Variants in MAN2B1 observed in about 807,000 individuals in gnomAD.
The protein encoded by MAN2B1 is lysosomal alpha-mannosidase.
Under a neutral mutation model 127.5 loss-of-function variants are expected in MAN2B1, and 99 were observed. The observed-to-expected ratio is 0.78, with a 90% CI of 0.66 to 0.92. The LOEUF (loss-of-function observed/expected upper bound fraction) is 0.92. Ranked by LOEUF, MAN2B1 falls within the 40% of genes least tolerant of loss-of-function variation. The pLI is 0.00. For synonymous variants in MAN2B1, 573 were observed against 568.8 expected (o/e 1.01, Z -0.11); for missense variants, 1,304 against 1,384.8 (o/e 0.94, Z 0.93).
chr19:12,647,603 G>T lies in MAN2B1; in HGVS notation c.2665-5C>A. On this transcript the variant is annotated splice_polypyrimidine_tract_variant and splice_region_variant and intron_variant, in intron 21 of 23. Transcript: ENST00000456935. The surrounding 1 kb of genome is among the most constrained non-coding windows in gnomAD (Gnocchi z 4.9). The stretch of plus-strand genomic sequence containing the variant: ...GTCCCTGCGCAGCCCTGAGAACTGC[G>T]GGAGAGAGGGCGGGGCTGAGTTGGA... 1 of 1,610,910 alleles carries T rather than the reference G, an allele frequency of 6.2e-7. No individual in the cohort carries two copies. The highest frequency in any genetic ancestry group is 8.5e-7 in the Non-Finnish European group (1 of 1,177,980).
At chr19:12,650,919 G>A (rs549656176) in intron 16 of MAN2B1, among the ~76,000 whole-genome samples, 1 of 150,636 alleles carries the variant, frequency 6.6e-6, no homozygotes, top group East Asian at 2.0e-4. Context: ...TGATCTGCCT[G>A]CCTCTGCCTC....
rs116608519 is a variant in MAN2B1 at position 12,653,835 on chromosome 19, C to T, written c.1831-1375G>A. 9.9e-3 allele frequency among the ~76,000 whole-genome samples: 1,498 copies of T among 152,020 alleles called. 28 individuals carry two copies. The highest frequency in any genetic ancestry group is 0.032 in the African/African-American group (1,329 of 41,468). On this transcript the variant is annotated intron_variant, in intron 14 of 23. Coordinates refer to ENST00000456935, the MANE Select transcript of MAN2B1 (RefSeq NM_000528.4). Reference sequence around the variant, plus strand: ...CTGGGTTCAAGTGATTCTCCTGCCTCTCCCTCCCGAGTAGCTAGGACTACA... The same window carrying T: ...CTGGGTTCAAGTGATTCTCCTGCCTTTCCCTCCCGAGTAGCTAGGACTACA...
At chr19:12,649,512 C>T (rs767924080) in intron 18 of MAN2B1, 84 bp from the exon 19 acceptor site, 290 of 505,486 alleles carry the variant, frequency 5.7e-4, no homozygotes, top group Non-Finnish European at 6.6e-4. Flanking sequence ...GATGGAGTCT[C>T]GCTCTGTCAC....
At chr19:12,657,400 C>G in intron 11 of MAN2B1, 46 bp downstream of exon 11, 1 of 1,497,678 alleles carries the variant, frequency 6.7e-7, no homozygotes, top group Non-Finnish European at 9.1e-7. Context: ...TGGCCCCGCC[C>G]CTTCCTGTCT....
At chr19:12,646,849 G>C in intron 23 of MAN2B1, 117 bp from the exon 24 acceptor site, 1 of 748,352 alleles carries the variant, frequency 1.3e-6, no homozygotes, top group Non-Finnish European at 2.3e-6. Context: ...CTGTCTCCAG[G>C]GCCTCAATCC....
rs957928289 is a variant in MAN2B1 at position 12,647,692 on chromosome 19, T to C, written c.2665-94A>G. 1.1e-5 allele frequency: 12 copies of C among 1,057,302 alleles called. No homozygotes were observed. The highest frequency in any genetic ancestry group is 1.6e-5 in the Non-Finnish European group (12 of 734,528). 65.5% of individuals were successfully genotyped at this position (1,057,302 alleles called of 1,614,324 possible). ...CAGGTCAGGAGGCAGGGCTAGGTTG[T>C]AGGGGCGGGGTTTCGCCGGAGAGGG... On this transcript the variant is annotated intron_variant, in intron 21 of 23. Coordinates refer to ENST00000456935, the MANE Select transcript of MAN2B1 (RefSeq NM_000528.4). The surrounding 1 kb of genome is among the most constrained non-coding windows in gnomAD (Gnocchi z 4.9).
chr19:12,649,051 G>T, intron 20 of MAN2B1, 85 bp downstream of exon 20: 1 of 1,149,380 alleles, frequency 8.7e-7, no homozygotes. Flanking sequence ...TGAAAGCAGA[G>T]AACTGGGCCA....
intron 6 of MAN2B1, 68 bp downstream of exon 6, chr19:12,663,249 C>G (rs2024149621): frequency 1.3e-6 from 2 of 1,569,494 alleles, no homozygotes; most frequent in Admixed American, 3.3e-5. Context: ...TTAGGGGATG[C>G]CTGTACCATG....
chr19:12,647,036 C>T lies in MAN2B1; in HGVS notation c.2923+197G>A. 1.6e-6 allele frequency: 1 copy of T among 618,646 alleles called. No individual in the cohort carries two copies. Among genetic ancestry groups the T allele is most frequent in the East Asian group, 2.7e-5 (1 of 36,604 alleles). 38.3% of individuals were successfully genotyped at this position (618,646 alleles called of 1,614,324 possible). ...TCTTGTTCTTGGGACTAAACAGCAC[C>T]CACAAACCTCAAGACCCATTCCTGG... On this transcript the variant is annotated intron_variant, in intron 23 of 23. Coordinates refer to ENST00000456935, the MANE Select transcript of MAN2B1 (RefSeq NM_000528.4). This position sits in a 1 kb window ranked among gnomAD's most constrained non-coding sequence, Gnocchi z 4.9.
rs376163192 is a variant in MAN2B1 at position 12,655,691 on chromosome 19, C to T, written c.1830+3G>A. The T allele has an allele frequency of 1.9e-6, 3 of 1,608,736 alleles. No homozygotes were observed. The highest frequency in any genetic ancestry group is 1.7e-5 in the Admixed American group (1 of 59,510). On this transcript the variant is annotated splice_donor_region_variant and intron_variant, in intron 14 of 23. Transcript: ENST00000456935. Reference sequence around the variant, plus strand: ...AGGAAAGGGGATTGAAATGGGGTCTCACCTCATTTTCGATGGTTAAAGCAG... The same window carrying T: ...AGGAAAGGGGATTGAAATGGGGTCTTACCTCATTTTCGATGGTTAAAGCAG...
In MAN2B1 at chr19:12,655,859, TG is replaced by T; in HGVS notation, c.1664del (p.Ser555Ter). ...GCTCCGGAGGGTGCGCCTGGCTGTC[TG>T]AGCTGGGAAATATTACCACCTCGGA... ...VPSDVVIFPS[S>X]DSQAHPPELL... On this transcript the variant is annotated frameshift_variant, in exon 14 of 24. Transcript: ENST00000456935. LOFTEE classifies it high-confidence loss of function. 2 of 1,613,906 alleles carry T rather than the reference TG, an allele frequency of 1.2e-6. No homozygotes were observed. The highest frequency in any genetic ancestry group is 1.7e-6 in the Non-Finnish European group (2 of 1,180,004).
At chr19:12,661,480 T>A (rs987010052) in intron 6 of MAN2B1, 104 bp from the exon 7 acceptor site, 10 of 808,788 alleles carry the variant, frequency 1.2e-5, no homozygotes, top group Non-Finnish European at 2.2e-5. Context: ...TGCACAGGCA[T>A]GGGTGGGGGT....
rs748175413 is a variant in MAN2B1 at position 12,652,147 on chromosome 19, C to T, written c.2046+6G>A. 1 of 1,611,310 alleles carries T rather than the reference C, an allele frequency of 6.2e-7. No individual in the cohort carries two copies. Among genetic ancestry groups the T allele is most frequent in the Non-Finnish European group, 8.5e-7 (1 of 1,177,454 alleles). On this transcript the variant is annotated splice_donor_region_variant and intron_variant, in intron 16 of 23. Transcript: ENST00000456935. The stretch of plus-strand genomic sequence containing the variant: ...AACTGCCCACTCATCATTCCTAGTC[C>T]CTGACCTTCACCAGGTGGATCTGAG...
Position 12,665,268 on chromosome 19 carries a change from G to A in MAN2B1, c.436+84C>T, listed in dbSNP as rs554314250. On this transcript the variant is annotated intron_variant, in intron 3 of 23. Coordinates refer to ENST00000456935, the MANE Select transcript of MAN2B1 (RefSeq NM_000528.4). ...CACGCATGTTATACAGCTTGCACGT[G>A]GCATGACAAATCTCAGAAACCAGAG... 69 of 1,521,562 alleles carry A rather than the reference G, an allele frequency of 4.5e-5. No individual in the cohort carries two copies. In the African/African-American group the frequency reaches 6.5e-4, roughly 14 times the overall value. 94.3% of individuals were successfully genotyped at this position (1,521,562 alleles called of 1,614,324 possible).
At chr19:12,659,405 G>A (rs997740882) in intron 7 of MAN2B1, among the ~76,000 whole-genome samples, 7 of 150,244 alleles carry the variant, frequency 4.7e-5, no homozygotes, top group Non-Finnish European at 7.4e-5. Flanking sequence ...AGGTTCCAGC[G>A]ATTCTCCTGC....
chr19:12,658,146 A>G lies in MAN2B1; in HGVS notation c.1231-5T>C, dbSNP rs1419185296. On this transcript the variant is annotated splice_region_variant and splice_polypyrimidine_tract_variant and intron_variant, in intron 9 of 23. Coordinates refer to ENST00000456935, the MANE Select transcript of MAN2B1 (RefSeq NM_000528.4). ...CGCCTCCAGCTGGTTGCACACCTGG[A>G]GGCAGAGGGGTATGTTGGGGCGCCC... 1 of 1,613,414 alleles carries G rather than the reference A, an allele frequency of 6.2e-7. No homozygotes were observed. The highest frequency in any genetic ancestry group is 1.1e-5 in the South Asian group (1 of 91,080).
In MAN2B1 at chr19:12,657,979, A is replaced by G. The variant is rs377440421; in HGVS notation, c.1309+84T>C. On this transcript the variant is annotated intron_variant, in intron 10 of 23. Coordinates refer to ENST00000456935, the MANE Select transcript of MAN2B1 (RefSeq NM_000528.4). ...CAAAAAAAAAAAAAAAAAAAAAAAAAAAGAAGAAACTCGAGGGGGGCGGCC... is the reference window on the plus strand; with the variant it reads ...CAAAAAAAAAAAAAAAAAAAAAAAAGAAGAAGAAACTCGAGGGGGGCGGCC... 7.0e-4 allele frequency: 655 copies of G among 938,646 alleles called. 4 individuals carry two copies. Among genetic ancestry groups the G allele is most frequent in the South Asian group, 3.1e-3 (208 of 67,554 alleles). The allele number at this position is 938,646 out of a possible 1,614,324, so 58.1% of individuals were successfully genotyped here.
rs373767545 is a variant in MAN2B1 at position 12,665,789 on chromosome 19, T to C, written c.176A>G (p.Gln59Arg). The change falls in exon 2 of 24, where the codon CAG (glutamine) becomes CGG (arginine). Residue 59 changes from glutamine (Q) to arginine (R), a missense_variant. Coordinates refer to ENST00000456935, the MANE Select transcript of MAN2B1 (RefSeq NM_000528.4). ...AGGYETCPTV[Q>R]PNMLNVHLLP... ...CAGGTGCACGTTCAGCATGTTCGGC[T>C]GCACTGTGGGGCATGTCTGCACAGG... 2.5e-6 allele frequency: 4 copies of C among 1,613,886 alleles called. No individual in the cohort carries two copies. Among genetic ancestry groups the C allele is most frequent in the African/African-American group, 1.3e-5 (1 of 74,916 alleles).
At chr19:12,648,424 G>C in intron 20 of MAN2B1, 22 bp from the exon 21 acceptor site, 1 of 1,585,388 alleles carries the variant, frequency 6.3e-7, no homozygotes, top group Non-Finnish European at 8.6e-7. Context: ...GTGGCCAGGA[G>C]GGGGTGAGAG....
Sources: allele counts gnomAD v4.1 joint callset (sites outside exome capture counted in the v4.1 genomes callset), GRCh38; gene constraint gnomAD v4.1.1; non-coding constraint Gnocchi (gnomAD v3.1); transcripts MANE v1.5; gene names NCBI Gene and HGNC (gene_info 2026-07-23, HGNC 2026-07-21).